The following BORA variants were observed in gnomAD, a reference collection of about 807,000 sequenced individuals.
The protein encoded by BORA is protein aurora borealis.
In BORA, 26 loss-of-function variants were observed where a neutral mutation model predicts 55.8. That is an observed-to-expected ratio of 0.47 (90% CI 0.34 to 0.65). The LOEUF (loss-of-function observed/expected upper bound fraction) is 0.65. BORA is among the 30% of genes least tolerant of loss of function. The pLI is 0.01. For missense variants in BORA, 568 were observed against 671.5 expected (o/e 0.85, Z 1.70); for synonymous variants, 201 against 216.9 (o/e 0.93, Z 0.64).
chr13:72,752,229 GTGAATAGAACA>G (rs1468518982), intron 10 of BORA: 2 of 152,208 alleles, frequency 1.3e-5, no homozygotes, highest in Non-Finnish European at 2.9e-5. Context: ...TTACATAGCA[GTGAATAGAACA>G]TGACTTTTTA....
rs559116508 is a variant in BORA, at chr13:72,755,044, G to A, written c.1615-107G>A. On this transcript the variant is annotated intron_variant, in intron 11 of 11. Transcript: ENST00000390667. ...ACTGTATCTTTACTGTCCCTTCAGA[G>A]TTCAGCTAAAGAAACGTGCTTTTAG... is the stretch of plus-strand genomic sequence containing the variant. 248 of 843,128 alleles carry A rather than the reference G, an allele frequency of 2.9e-4. 2 individuals are homozygous for A. The South Asian group carries it at 3.5e-3, about 12-fold the overall frequency. The allele number at this position is 843,128 out of a possible 1,614,324, so 52.2% of individuals were successfully genotyped here.
rs187398695 is a variant in BORA at position 72,745,924 on chromosome 13, A to C, written c.739-20A>C. On this transcript the variant is annotated intron_variant, in intron 8 of 11. Transcript: ENST00000390667. ...GGAAGAGAACCATATACATTTATTT[A>C]CTATTTAATTTTATTACAGGGGCAG... 4.1e-4 allele frequency: 645 copies of C among 1,592,530 alleles called. 4 individuals are homozygous for C. In the East Asian group the frequency reaches 0.01, roughly 25 times the overall value.
At chr13:72,751,275 G>GT (rs1200781543) in intron 10 of BORA, among the ~76,000 whole-genome samples, 1 of 152,172 alleles carries the variant, frequency 6.6e-6, no homozygotes, top group Non-Finnish European at 1.5e-5. Context: ...AAGGAAATCA[G>GT]TATGTCAAAG....
At chr13:72,743,826 C>T (rs2033086027) in intron 6 of BORA, among the ~76,000 whole-genome samples, 2 of 151,888 alleles carry the variant, frequency 1.3e-5, no homozygotes, top group African/African-American at 4.8e-5. Flanking sequence ...CCGTTGACTT[C>T]CCGAGCTCCA....
At chr13:72,728,166 G>T in intron 1 of BORA, 159 bp downstream of exon 1, 2 of 1,003,934 alleles carry the variant, frequency 2.0e-6, no homozygotes, top group African/African-American at 3.2e-5. Flanking sequence ...GGCCACGTAG[G>T]GTTGGGGGCG....
chr13:72,744,892 GC>G (rs2033109590), intron 7 of BORA, 88 bp from the exon 8 acceptor site: 2 of 1,210,578 alleles, frequency 1.7e-6, no homozygotes, highest in Admixed American at 4.2e-5. Context: ...CAAACATAGT[GC>G]ATGCTGGCTT....
At chr13:72,738,299 G>A (rs2032973711) in intron 5 of BORA, among the ~76,000 whole-genome samples, 1 of 152,030 alleles carries the variant, frequency 6.6e-6, no homozygotes, top group African/African-American at 2.4e-5. Flanking sequence ...TGGTTATAGA[G>A]GATCCATAGA....
rs751499343 is a variant in BORA at position 72,742,765 on chromosome 13, TATACACACACACAC to T, written c.389-770_389-757del. ...CTTTTTAAAATGTGATATATATATA[TATACACACACACAC>T]ACACACACACACACACACACACACA... On this transcript the variant is annotated intron_variant, in intron 5 of 11. Transcript: ENST00000390667. Among the ~76,000 whole-genome samples, 191 of 54,020 alleles carry T rather than the reference TATACACACACACAC, an allele frequency of 3.5e-3. No individual in the cohort carries two copies. In the Middle Eastern group the frequency reaches 0.047, roughly 13 times the overall value. 35.4% of individuals were successfully genotyped at this position (54,020 alleles called of 152,430 possible).
At chr13:72,732,549 C>G (rs1055327445) in intron 3 of BORA, among the ~76,000 whole-genome samples, 2 of 151,982 alleles carry the variant, frequency 1.3e-5, no homozygotes, top group African/African-American at 4.8e-5. Context: ...TGGTGGTGCA[C>G]ACCTGTAATC....
In BORA at chr13:72,731,406, C is replaced by G. The variant is rs1453096377; in HGVS notation, c.260+19C>G. 1 of 1,497,868 alleles carries G rather than the reference C, an allele frequency of 6.7e-7. No individual in the cohort carries two copies. 92.8% of individuals were successfully genotyped at this position (1,497,868 alleles called of 1,614,324 possible). A position where few individuals can be genotyped will look rare whatever the true frequency, so the allele number is the denominator to read the frequency against. ...ATTCTCGGTAAGTTTTCCTTTCTTG[C>G]ACCTAAGTCTAATAACACTCTCAAG... On this transcript the variant is annotated intron_variant, in intron 3 of 11. Transcript: ENST00000390667.
At chr13:72,734,787 A>G (rs2032885303) in intron 3 of BORA, among the ~76,000 whole-genome samples, 173 bp from the exon 4 acceptor site, 1 of 152,222 alleles carries the variant, frequency 6.6e-6, no homozygotes, top group Non-Finnish European at 1.5e-5. Context: ...ATTTCAGAAT[A>G]CTGCCTAAAT....
At chr13:72,733,717 T>TTTATTAA (rs2032864239) in intron 3 of BORA, among the ~76,000 whole-genome samples, 1 of 152,174 alleles carries the variant, frequency 6.6e-6, no homozygotes, top group Non-Finnish European at 1.5e-5. Context: ...CTGTTCAAGC[T>TTTATTAA]GGGATATGTG....
At chr13:72,743,009 G>A (rs1401513790) in intron 5 of BORA, among the ~76,000 whole-genome samples, 2 of 152,152 alleles carry the variant, frequency 1.3e-5, no homozygotes, top group African/African-American at 4.8e-5. Flanking sequence ...CCAGACGGTA[G>A]GGAGGAGGGG....
intron 2 of BORA, among the ~76,000 whole-genome samples, chr13:72,730,745 T>G (rs2032793824): frequency 6.6e-6 from 1 of 151,990 alleles, no homozygotes; most frequent in Non-Finnish European, 1.5e-5. Flanking sequence ...CCAACCCAGG[T>G]GAAAGATTCT....
chr13:72,748,859 A>G (rs2033206713), intron 10 of BORA, among the ~76,000 whole-genome samples: 1 of 152,202 alleles, frequency 6.6e-6, no homozygotes, highest in Non-Finnish European at 1.5e-5. Flanking sequence ...ATATTCTCCC[A>G]TAATTGTAGT....
At position 72,755,659 on chromosome 13, in the gene BORA, G is replaced by T; in HGVS notation, c.*443G>T. 2.6e-6 allele frequency: 1 copy of T among 385,540 alleles called. No homozygotes were observed. The allele number at this position is 385,540 out of a possible 1,614,324, so 23.9% of individuals were successfully genotyped here. On this transcript the variant is annotated 3_prime_UTR_variant, in exon 12 of 12. Coordinates refer to ENST00000390667, the MANE Select transcript of BORA (RefSeq NM_024808.5). ...TTATAACCTATGTGAAGAAATCTTA[G>T]ATATAAAACTAACTTTTCAAAGATA...
chr13:72,749,527 C>CT, intron 10 of BORA, among the ~76,000 whole-genome samples: 1 of 150,942 alleles, frequency 6.6e-6, no homozygotes, highest in East Asian at 2.0e-4. Context: ...TTTAAATCTC[C>CT]TTTTTTGAAT....
intron 5 of BORA, among the ~76,000 whole-genome samples, chr13:72,741,866 A>G (rs939222566): frequency 2.0e-5 from 3 of 152,174 alleles, no homozygotes; most frequent in African/African-American, 4.8e-5. Flanking sequence ...GATAATACCT[A>G]GAGATGAGAG....
chr13:72,756,061 A>AT lies in BORA; in HGVS notation c.*845_*846insT, dbSNP rs1555273776. On this transcript the variant is annotated 3_prime_UTR_variant, in exon 12 of 12. Transcript: ENST00000390667. ...GTTATATACAACTATTTTTTTAAAA[A>AT]ACTTATATCCATGTTGGGAGTAGAT... is the stretch of plus-strand genomic sequence containing the variant. The AT allele has an allele frequency of 7.3e-5, 29 of 398,164 alleles. No homozygotes were observed. The highest frequency in any genetic ancestry group is 2.6e-4 in the Admixed American group (6 of 22,722). The allele number at this position is 398,164 out of a possible 1,614,324, so 24.7% of individuals were successfully genotyped here. A position where few individuals can be genotyped will look rare whatever the true frequency, so the allele number is the denominator to read the frequency against.
Sources: gnomAD v4.1 joint callset for allele counts (sites outside exome capture counted in the v4.1 genomes callset) on GRCh38, gnomAD v4.1.1 for gene constraint, MANE v1.5 for transcripts, NCBI Gene and HGNC (gene_info 2026-07-23, HGNC 2026-07-21) for gene names.